Variants in MALRD1 observed in about 807,000 individuals in gnomAD.
MALRD1 encodes MAM and LDL-receptor class A domain-containing protein 1.
In MALRD1, 247 loss-of-function variants were observed where a neutral mutation model predicts 242.1. The ratio of observed to expected loss-of-function variants is 1.02; its 90% CI spans 0.92 to 1.13. The LOEUF (loss-of-function observed/expected upper bound fraction) is 1.13. MALRD1 is among the 50% of genes most tolerant of loss of function. The pLI, the probability that MALRD1 is intolerant of heterozygous loss-of-function variation, is 0.00. For synonymous variants in MALRD1, 995 were observed against 866.6 expected (o/e 1.15, Z -2.60); for missense variants, 2,989 against 2,533.1 (o/e 1.18, Z -3.86).
rs34768480 is a variant in MALRD1, at chr10:19,137,607, GAAAAAAAA to G, written c.1411+843_1411+850del. Among the ~76,000 whole-genome samples the G allele has an allele frequency of 5.3e-3, 448 of 84,452 alleles. 4 individuals carry two copies. The highest frequency in any genetic ancestry group is 0.019 in the African/African-American group (428 of 22,614). The allele number at this position is 84,452 out of a possible 152,430, so 55.4% of individuals were successfully genotyped here. A position where few individuals can be genotyped will look rare whatever the true frequency, so the allele number is the denominator to read the frequency against. On this transcript the variant is annotated intron_variant, in intron 10 of 39. Transcript: ENST00000454679. Reference sequence around the variant, plus strand: ...CAGGCGACAGCGTGAGACTCCGTCTGAAAAAAAAAAAAAAAAAAAAAAAAGAAATCACT... The same window carrying G: ...CAGGCGACAGCGTGAGACTCCGTCTGAAAAAAAAAAAAAAAAGAAATCACT...
At chr10:19,560,933 A>T (rs1292771255) in intron 32 of MALRD1, among the ~76,000 whole-genome samples, 1 of 152,170 alleles carries the variant, frequency 6.6e-6, no homozygotes, top group East Asian at 1.9e-4. Context: ...GGTTCTGCAC[A>T]TGTATCCCAA....
At chr10:19,482,688 C>CACACACACAT (rs1474660545) in intron 29 of MALRD1, among the ~76,000 whole-genome samples, 1 of 149,504 alleles carries the variant, frequency 6.7e-6, no homozygotes, top group Non-Finnish European at 1.5e-5. Flanking sequence ...CACACACACA[C>CACACACACAT]ACATACACAC....
At chr10:19,635,560 C>T (rs551954550) in intron 36 of MALRD1, among the ~76,000 whole-genome samples, 4 of 151,156 alleles carry the variant, frequency 2.6e-5, no homozygotes, top group Admixed American at 6.6e-5. Context: ...GAATGCAACA[C>T]GGAAAGAAAA....
At chr10:19,645,915 T>A (rs1214353452) in intron 36 of MALRD1, among the ~76,000 whole-genome samples, 3 of 152,182 alleles carry the variant, frequency 2.0e-5, no homozygotes, top group Admixed American at 6.5e-5. Flanking sequence ...TCAAATTATT[T>A]TTTTTTATTT....
chr10:19,346,604 A>C (rs991150800), intron 24 of MALRD1, among the ~76,000 whole-genome samples: 30 of 152,296 alleles, frequency 2.0e-4, no homozygotes, highest in Middle Eastern at 3.4e-3. Context: ...TCGTTAAAGA[A>C]TTCTAAACAG....
chr10:19,453,195 G>A (rs1303727091), intron 29 of MALRD1, among the ~76,000 whole-genome samples: 1 of 152,128 alleles, frequency 6.6e-6, no homozygotes, highest in Non-Finnish European at 1.5e-5. Context: ...AGTTGTTGAT[G>A]TTCTGCATGT....
intron 26 of MALRD1, among the ~76,000 whole-genome samples, chr10:19,354,185 G>A (rs369382760): frequency 4.6e-5 from 7 of 152,160 alleles, no homozygotes; most frequent in East Asian, 1.9e-4. Flanking sequence ...TCTGCAACAG[G>A]AAAGTTTTAA....
intron 38 of MALRD1, among the ~76,000 whole-genome samples, chr10:19,723,359 A>G (rs538435076): frequency 2.0e-5 from 3 of 152,154 alleles, no homozygotes; most frequent in Non-Finnish European, 4.4e-5. Flanking sequence ...TTATAACACA[A>G]TCCACCAAAA....
intron 24 of MALRD1, among the ~76,000 whole-genome samples, chr10:19,347,547 T>TTAGC (rs5783666): frequency 0.14 from 21,846 of 152,114 alleles, 1,541 homozygotes; most frequent in South Asian, 0.15. Context: ...TTTATCAGTT[T>TTAGC]TGAAACTGGG....
chr10:19,707,864 G>A lies in MALRD1; in HGVS notation c.6314+15310G>A, dbSNP rs1385005120. ...ACCAGCTACTTGGGGGCCTGAGGCA[G>A]GAGAATCGCTTGAACCCAGGAGGCA... On this transcript the variant is annotated intron_variant, in intron 38 of 39. Coordinates refer to ENST00000454679, the MANE Select transcript of MALRD1 (RefSeq NM_001142308.3). Among the ~76,000 whole-genome samples, 3 of 120,788 alleles carry A rather than the reference G, an allele frequency of 2.5e-5. 1 individual carries two copies. Among genetic ancestry groups the A allele is most frequent in the Non-Finnish European group, 5.7e-5 (3 of 53,010 alleles). 79.2% of individuals were successfully genotyped at this position (120,788 alleles called of 152,430 possible). A position where few individuals can be genotyped will look rare whatever the true frequency, so the allele number is the denominator to read the frequency against.
rs1283566732 is a variant in MALRD1, at chr10:19,607,634, A to G, written c.5945-143A>G. The G allele has an allele frequency of 2.2e-5, 26 of 1,169,918 alleles. No homozygotes were observed. In the East Asian group the frequency reaches 6.7e-4, roughly 30 times the overall value. 72.5% of individuals were successfully genotyped at this position (1,169,918 alleles called of 1,614,324 possible). A position where few individuals can be genotyped will look rare whatever the true frequency, so the allele number is the denominator to read the frequency against. ...TTAATCCATTTGAAATATTCTTCAA[A>G]AAGAACTGTGTTCTAAAATATCAGA... is the stretch of plus-strand genomic sequence containing the variant. On this transcript the variant is annotated intron_variant, in intron 34 of 39. Coordinates refer to ENST00000454679, the MANE Select transcript of MALRD1 (RefSeq NM_001142308.3).
At chr10:19,431,059 T>A (rs903260684) in intron 28 of MALRD1, among the ~76,000 whole-genome samples, 1 of 152,196 alleles carries the variant, frequency 6.6e-6, no homozygotes, top group Admixed American at 6.6e-5. Context: ...GTTTGTTACA[T>A]AGATAAATGT....
chr10:19,612,825 A>AG (rs1248831803), intron 35 of MALRD1, among the ~76,000 whole-genome samples: 1 of 151,886 alleles, frequency 6.6e-6, no homozygotes, highest in Non-Finnish European at 1.5e-5. Flanking sequence ...AGACAGCACT[A>AG]GGGGGATGGT....
chr10:19,587,381 G>A (rs1166413900), intron 33 of MALRD1, among the ~76,000 whole-genome samples: 1 of 152,144 alleles, frequency 6.6e-6, no homozygotes, highest in African/African-American at 2.4e-5. Context: ...ACAATGTTTG[G>A]CAACAACATA....
intron 18 of MALRD1, among the ~76,000 whole-genome samples, chr10:19,222,940 A>G (rs1238372825): frequency 6.6e-6 from 1 of 152,204 alleles, no homozygotes. Flanking sequence ...TTATGCCTTC[A>G]AACTTTTTCC....
intron 8 of MALRD1, 34 bp from the exon 9 acceptor site, chr10:19,133,822 G>T: frequency 1.0e-6 from 1 of 965,598 alleles, no homozygotes; most frequent in Non-Finnish European, 1.3e-6. Flanking sequence ...TTAGAATACG[G>T]GTAATGAGTG....
intron 36 of MALRD1, among the ~76,000 whole-genome samples, chr10:19,677,777 C>A (rs1256674503): frequency 6.6e-6 from 1 of 152,252 alleles, no homozygotes; most frequent in African/African-American, 2.4e-5. Context: ...CCTAAATTTT[C>A]TTCTAGGGTT....
At chr10:19,578,183 A>G (rs1260542280) in intron 33 of MALRD1, among the ~76,000 whole-genome samples, 1 of 151,924 alleles carries the variant, frequency 6.6e-6, no homozygotes, top group Admixed American at 6.5e-5. Context: ...ACTTTCCCAG[A>G]ATGACCAGTT....
intron 36 of MALRD1, among the ~76,000 whole-genome samples, chr10:19,690,618 T>C (rs1842778343): frequency 1.3e-5 from 2 of 152,044 alleles, no homozygotes; most frequent in African/African-American, 2.4e-5. Context: ...CCTCATTCTA[T>C]GTGTATTTTC....
Sources: gnomAD v4.1 joint callset for allele counts (sites outside exome capture counted in the v4.1 genomes callset) on GRCh38, gnomAD v4.1.1 for gene constraint, MANE v1.5 for transcripts, NCBI Gene and HGNC (gene_info 2026-07-23, HGNC 2026-07-21) for gene names.